Variants in BBX observed in about 807,000 individuals in gnomAD.
The protein encoded by BBX is HMG box transcription factor BBX.
A neutral mutation model predicts 100.2 loss-of-function variants in BBX; 30 were observed. The observed-to-expected ratio is 0.30, with a 90% CI of 0.22 to 0.41. The LOEUF (loss-of-function observed/expected upper bound fraction) is 0.41. BBX is among the 10% of genes least tolerant of loss of function. The probability of loss-of-function intolerance (pLI) is 1.00; values close to 1 mark genes in which losing one functional copy is unlikely to be tolerated. For synonymous variants in BBX, 376 were observed against 388.1 expected (o/e 0.97, Z 0.37); for missense variants, 1,023 against 1,129.8 (o/e 0.91, Z 1.35).
intron 2 of BBX, among the ~76,000 whole-genome samples, chr3:107,531,255 G>A (rs2048141184): frequency 6.6e-6 from 1 of 152,144 alleles, no homozygotes; most frequent in Admixed American, 6.5e-5. Flanking sequence ...ACCCTCTGTA[G>A]GTGCTCCTGT....
chr3:107,758,641 C>G (rs1041893424), intron 10 of BBX, among the ~76,000 whole-genome samples: 2 of 152,112 alleles, frequency 1.3e-5, no homozygotes, highest in Non-Finnish European at 2.9e-5. Context: ...CCCAACCACC[C>G]GAGTACTCTT....
intron 3 of BBX, among the ~76,000 whole-genome samples, chr3:107,650,993 G>A (rs1036243110): frequency 3.9e-5 from 6 of 152,116 alleles, no homozygotes; most frequent in African/African-American, 1.2e-4. Context: ...TGTGTAGGCA[G>A]CGAGCTCTAG....
chr3:107,637,646 G>A (rs2056931534), intron 2 of BBX, among the ~76,000 whole-genome samples: 1 of 152,204 alleles, frequency 6.6e-6, no homozygotes, highest in Non-Finnish European at 1.5e-5. Context: ...CACAGGATGT[G>A]TGATAGGGAG....
intron 2 of BBX, among the ~76,000 whole-genome samples, chr3:107,638,993 A>G (rs2057034976): frequency 6.6e-6 from 1 of 152,056 alleles, no homozygotes; most frequent in South Asian, 2.1e-4. Context: ...TGTCTCAAAA[A>G]AGCAAAGGAA....
intron 6 of BBX, among the ~76,000 whole-genome samples, chr3:107,731,051 AG>A (rs1288128496): frequency 6.6e-6 from 1 of 152,216 alleles, no homozygotes; most frequent in East Asian, 1.9e-4. Flanking sequence ...ATATCCAAGA[AG>A]GGAAAGCTGT....
chr3:107,654,456 G>T (rs1010549954), intron 3 of BBX, among the ~76,000 whole-genome samples: 3 of 151,540 alleles, frequency 2.0e-5, no homozygotes, highest in Non-Finnish European at 2.9e-5. Flanking sequence ...CTGGCTTTCT[G>T]CTATAATAGA....
intron 13 of BBX, among the ~76,000 whole-genome samples, chr3:107,778,996 T>TAC (rs1429981723): frequency 3.3e-4 from 21 of 63,596 alleles, no homozygotes; most frequent in Non-Finnish European, 6.7e-4. Context: ...TCCAGCAACA[T>TAC]ATATATATAT....
chr3:107,718,793 A>T (rs2062303325), intron 5 of BBX, among the ~76,000 whole-genome samples: 1 of 152,134 alleles, frequency 6.6e-6, no homozygotes, highest in Admixed American at 6.6e-5. Flanking sequence ...CTGTTAAGGT[A>T]GCCCAGTGCA....
At chr3:107,548,867 T>G (rs1303080022) in intron 2 of BBX, among the ~76,000 whole-genome samples, 1 of 152,200 alleles carries the variant, frequency 6.6e-6, no homozygotes, top group African/African-American at 2.4e-5. Flanking sequence ...GAGACCATCA[T>G]CCTAAGCAAA....
Position 107,807,603 on chromosome 3 carries a change from A to C in BBX, c.*2146A>C, listed in dbSNP as rs970570989. On this transcript the variant is annotated 3_prime_UTR_variant, in exon 18 of 18. Coordinates refer to ENST00000325805, the MANE Select transcript of BBX (RefSeq NM_001142568.3). ...ATGGTACTAACTTGTTATTCTATAG[A>C]ACACGTTAGAATAGATCTATTTTTG... The C allele has an allele frequency of 1.3e-5, 2 of 152,094 alleles. No individual in the cohort carries two copies. The highest frequency in any genetic ancestry group is 2.9e-5 in the Non-Finnish European group (2 of 68,026). 9.4% of individuals were successfully genotyped at this position (152,094 alleles called of 1,614,324 possible).
At chr3:107,704,096 C>T (rs963903543) in intron 3 of BBX, among the ~76,000 whole-genome samples, 7 of 152,160 alleles carry the variant, frequency 4.6e-5, no homozygotes, top group African/African-American at 1.7e-4. Context: ...TTATCCTGTG[C>T]ATGTTACTTA....
intron 2 of BBX, among the ~76,000 whole-genome samples, chr3:107,583,242 T>C (rs1202479642): frequency 6.6e-6 from 1 of 151,808 alleles, no homozygotes; most frequent in Non-Finnish European, 1.5e-5. Flanking sequence ...TAGTTAAGAG[T>C]CTTATAGTGA....
chr3:107,802,408 G>A (rs2070595281), intron 17 of BBX, among the ~76,000 whole-genome samples: 1 of 152,244 alleles, frequency 6.6e-6, no homozygotes, highest in Admixed American at 6.5e-5. Flanking sequence ...CTAATAGCAA[G>A]TGAATGCTCA....
chr3:107,585,545 T>G (rs1230136211), intron 2 of BBX, among the ~76,000 whole-genome samples: 1 of 152,174 alleles, frequency 6.6e-6, no homozygotes, highest in Non-Finnish European at 1.5e-5. Context: ...ATTCCAATGC[T>G]CCTAAGAAGC....
intron 3 of BBX, among the ~76,000 whole-genome samples, chr3:107,705,618 C>T (rs912746587): frequency 3.9e-5 from 6 of 152,168 alleles, no homozygotes; most frequent in African/African-American, 1.4e-4. Context: ...CATCTATGCT[C>T]CCTTTTGAAT....
chr3:107,686,330 A>T (rs545280164), intron 3 of BBX, among the ~76,000 whole-genome samples: 6 of 152,164 alleles, frequency 3.9e-5, no homozygotes, highest in Non-Finnish European at 8.8e-5. Flanking sequence ...AGATCTAGAA[A>T]TAACCATAAG....
chr3:107,724,838 G>A (rs560059218), intron 5 of BBX, among the ~76,000 whole-genome samples: 41 of 152,278 alleles, frequency 2.7e-4, no homozygotes, highest in Admixed American at 2.2e-3. Flanking sequence ...AAGTCAGGTA[G>A]CGTGATGCCT....
At chr3:107,805,190 A>G (rs2070959922) in intron 17 of BBX, among the ~76,000 whole-genome samples, 180 bp from the exon 18 acceptor site, 1 of 152,200 alleles carries the variant, frequency 6.6e-6, no homozygotes, top group Non-Finnish European at 1.5e-5. Flanking sequence ...GGGGAAAAAA[A>G]GGATAAGGAA....
chr3:107,589,157 G>A (rs510801), intron 2 of BBX, among the ~76,000 whole-genome samples: 12,139 of 152,110 alleles, frequency 0.08, 685 homozygotes, highest in Non-Finnish European at 0.12. Context: ...TGACTTTAGT[G>A]GAGGAAAAAT....
Sources: gnomAD v4.1 joint callset for allele counts (sites outside exome capture counted in the v4.1 genomes callset) on GRCh38, gnomAD v4.1.1 for gene constraint, MANE v1.5 for transcripts, NCBI Gene and HGNC (gene_info 2026-07-23, HGNC 2026-07-21) for gene names.